DIS3L: variants seen among roughly 807,000 people sequenced by gnomAD.
DIS3L encodes DIS3-like exonuclease 1.
In DIS3L, 100 loss-of-function variants were observed where a neutral mutation model predicts 120.3. The observed-to-expected ratio is 0.83, with a 90% CI of 0.71 to 0.98. DIS3L has a LOEUF of 0.98. Among genes scored for constraint, DIS3L ranks in the 50% least tolerant of loss-of-function variants. DIS3L has a pLI of 0.00. For missense variants in DIS3L, 1,196 were observed against 1,314.2 expected, an observed-to-expected ratio of 0.91 and a Z score of 1.39; for synonymous variants, 426 against 470.6, an observed-to-expected ratio of 0.91 and a Z score of 1.23.
At chr15:66,311,221 T>C (rs1193255878) in intron 4 of DIS3L, among the ~76,000 whole-genome samples, 4 of 151,602 alleles carry the variant, frequency 2.6e-5, no homozygotes, top group Admixed American at 6.6e-5. Context: ...AAATTAGCCA[T>C]GTGTGGTGGC....
intron 7 of DIS3L, among the ~76,000 whole-genome samples, chr15:66,318,165 G>A (rs1464076741): frequency 6.6e-6 from 1 of 152,018 alleles, no homozygotes; most frequent in Admixed American, 6.5e-5. Flanking sequence ...GTAGAGGTGG[G>A]GTTTCACCAT....
chr15:66,315,066 T>A lies in DIS3L; in HGVS notation c.845T>A (p.Met282Lys). The A allele has an allele frequency of 6.2e-7, 1 of 1,614,098 alleles. No individual in the cohort carries two copies. Among genetic ancestry groups the A allele is most frequent in the Non-Finnish European group, 8.5e-7 (1 of 1,179,990 alleles). ...GTCAGTGACATCCTAATCCACGGGATGAAGGCTCGAAACCGCTCAATTCAT... is the reference window on the plus strand; with the variant it reads ...GTCAGTGACATCCTAATCCACGGGAAGAAGGCTCGAAACCGCTCAATTCAT... ...DLVSDILIHG[M>K]KARNRSIHGD... Residue 282 changes from methionine (M) to lysine (K), a missense_variant, in exon 7 of 17, where the codon ATG becomes AAG. By Grantham distance (95) the Met-to-Lys change is moderately conservative (BLOSUM62 -1). Coordinates refer to ENST00000319212, the MANE Select transcript of DIS3L (RefSeq NM_001143688.3).
intron 2 of DIS3L, among the ~76,000 whole-genome samples, chr15:66,304,208 T>A (rs777495718): frequency 4.0e-5 from 6 of 151,746 alleles, no homozygotes; most frequent in Non-Finnish European, 8.8e-5. Flanking sequence ...CCCAACACTT[T>A]GGGAGGCCAA....
chr15:66,322,399 G>C (rs1385715207), intron 9 of DIS3L, among the ~76,000 whole-genome samples: 2 of 152,184 alleles, frequency 1.3e-5, no homozygotes, highest in Admixed American at 1.3e-4. Context: ...TGTAACTAAA[G>C]AGGCTGGTAG....
chr15:66,306,707 G>T, intron 2 of DIS3L, 117 bp from the exon 3 acceptor site: 1 of 1,413,518 alleles, frequency 7.1e-7, no homozygotes, highest in Non-Finnish European at 9.7e-7. Flanking sequence ...TGTTCTTCAG[G>T]TTTAAAGTAA....
In DIS3L at chr15:66,331,970, CG is replaced by C. The variant is rs781377057; in HGVS notation, c.2633del (p.Gly878GlufsTer26). The stretch of plus-strand genomic sequence containing the variant: ...CCACCGAGGAGCGTTGCATATCTGA[CG>C]GAGTTATTTATTCAATTAGAACAAA... The part of the protein sequence containing the change: ...PATEERCISD[G>X]VIYSIRTNGV... On this transcript the variant is annotated frameshift_variant, in exon 15 of 17. Transcript: ENST00000319212. LOFTEE classifies it high-confidence loss of function. 6.8e-6 allele frequency: 11 copies of C among 1,612,816 alleles called. No individual in the cohort carries two copies. In the South Asian group the frequency reaches 1.2e-4, roughly 18 times the overall value.
At chr15:66,306,415 G>A (rs1375278546) in intron 2 of DIS3L, among the ~76,000 whole-genome samples, 1 of 152,160 alleles carries the variant, frequency 6.6e-6, no homozygotes, top group Non-Finnish European at 1.5e-5. Context: ...ATGTATTAAT[G>A]CTTAATGACA....
intron 1 of DIS3L, 111 bp from the exon 2 acceptor site, chr15:66,294,877 C>A: frequency 1.8e-6 from 2 of 1,123,574 alleles, no homozygotes; most frequent in Non-Finnish European, 2.5e-6. Flanking sequence ...TAAAAACTCC[C>A]ACCATGGAGT....
At chr15:66,305,075 A>G (rs1287056274) in intron 2 of DIS3L, among the ~76,000 whole-genome samples, 2 of 126,974 alleles carry the variant, frequency 1.6e-5, no homozygotes, top group African/African-American at 6.2e-5. Flanking sequence ...ATCTCGGCTC[A>G]CTGCAAGCTC....
At chr15:66,321,212 CAT>C (rs1168344822) in intron 9 of DIS3L, among the ~76,000 whole-genome samples, 6 of 152,302 alleles carry the variant, frequency 3.9e-5, no homozygotes, top group African/African-American at 1.2e-4. Flanking sequence ...ATCTCATAAA[CAT>C]AAAACATCAG....
In DIS3L at chr15:66,311,909, G is replaced by T; in HGVS notation, c.735+9G>T. Reference sequence around the variant, plus strand: ...CTGGACGCTATATCCAGGTGAGGGTGGTAATTTAGAATGTGTCAGGGCTGG... The same window carrying T: ...CTGGACGCTATATCCAGGTGAGGGTTGTAATTTAGAATGTGTCAGGGCTGG... On this transcript the variant is annotated intron_variant, in intron 5 of 16. Coordinates refer to ENST00000319212, the MANE Select transcript of DIS3L (RefSeq NM_001143688.3). 6.2e-7 allele frequency: 1 copy of T among 1,613,138 alleles called. No homozygotes were observed. Among genetic ancestry groups the T allele is most frequent in the African/African-American group, 1.3e-5 (1 of 74,968 alleles).
At chr15:66,307,673 A>G (rs1245690419) in intron 3 of DIS3L, among the ~76,000 whole-genome samples, 1 of 152,220 alleles carries the variant, frequency 6.6e-6, no homozygotes, top group African/African-American at 2.4e-5. Flanking sequence ...CAGGAAACAC[A>G]GTGTCCTGAT....
Position 66,294,377 on chromosome 15 carries a change from C to A in DIS3L, c.140-611C>A, listed in dbSNP as rs947352981. On this transcript the variant is annotated intron_variant, in intron 1 of 16. Coordinates refer to ENST00000319212, the MANE Select transcript of DIS3L (RefSeq NM_001143688.3). ...ATGCACGTTACTGGCTCTCTTCCCCCATGGGAGGATGAGAATGGGCTGGGG... is the reference window on the plus strand; with the variant it reads ...ATGCACGTTACTGGCTCTCTTCCCCAATGGGAGGATGAGAATGGGCTGGGG... The A allele has an allele frequency of 1.6e-5, 16 of 985,484 alleles. No individual in the cohort carries two copies. In the African/African-American group the frequency reaches 2.4e-4, roughly 15 times the overall value. The allele number at this position is 985,484 out of a possible 1,614,324, so 61.0% of individuals were successfully genotyped here. A position where few individuals can be genotyped will look rare whatever the true frequency, so the allele number is the denominator to read the frequency against.
In DIS3L at chr15:66,320,589, C is replaced by T. The variant is rs150139050; in HGVS notation, c.1183C>T (p.Arg395Cys). ...TGTGCAGGACTTCAGGGTGGTCGTG[C>T]GCATCGATTCCTGGGAGTCAACATC... is the stretch of plus-strand genomic sequence containing the variant. Reference protein sequence around the residue: ...ETLQDFRVVVRIDSWESTSVY... With the variant: ...ETLQDFRVVVCIDSWESTSVY... Residue 395 changes from arginine to cysteine, a missense_variant, in exon 9 of 17, where the codon CGC becomes TGC. Transcript: ENST00000319212. 1.9e-4 allele frequency: 301 copies of T among 1,613,140 alleles called. 2 individuals carry two copies. In the Admixed American group the frequency reaches 2.7e-3, roughly 14 times the overall value.
intron 2 of DIS3L, among the ~76,000 whole-genome samples, chr15:66,305,433 A>C (rs371783305): frequency 7.9e-5 from 12 of 152,242 alleles, no homozygotes; most frequent in African/African-American, 2.9e-4. Context: ...TTTAAAACCT[A>C]TGGTGGCAGG....
In DIS3L at chr15:66,306,885, A is replaced by G. The variant is rs374443364; in HGVS notation, c.355A>G (p.Asn119Asp). Residue 119 changes from asparagine to aspartate, a missense_variant, in exon 3 of 17, where the codon AAT becomes GAT. Asn to Asp is a conservative substitution (Grantham distance 23). Coordinates refer to ENST00000319212, the MANE Select transcript of DIS3L (RefSeq NM_001143688.3). Reference protein sequence around the residue: ...DARHDCILFANEFQQCCYLPR... With the variant: ...DARHDCILFADEFQQCCYLPR... ...GCGTCATGATTGCATTCTCTTTGCTAATGAATTCCAGCAATGCTGCTATCT... is the reference window on the plus strand; with the variant it reads ...GCGTCATGATTGCATTCTCTTTGCTGATGAATTCCAGCAATGCTGCTATCT... The G allele has an allele frequency of 1.2e-5, 19 of 1,614,066 alleles. No individual in the cohort carries two copies. Among genetic ancestry groups the G allele is most frequent in the Admixed American group, 1.7e-5 (1 of 59,998 alleles).
At chr15:66,327,302 G>A (rs1365142275) in intron 12 of DIS3L, among the ~76,000 whole-genome samples, 4 of 152,100 alleles carry the variant, frequency 2.6e-5, no homozygotes, top group African/African-American at 9.7e-5. Context: ...TACCCCTTAA[G>A]TTACAAAGAA....
chr15:66,325,087 C>A (rs527589782), intron 11 of DIS3L, among the ~76,000 whole-genome samples: 109 of 152,208 alleles, frequency 7.2e-4, no homozygotes, highest in Non-Finnish European at 1.4e-3. Context: ...CAGTGTCATG[C>A]TTTTCTAATC....
In DIS3L at chr15:66,326,222, C is replaced by T; in HGVS notation, c.2059C>T (p.Leu687=). 6.2e-7 allele frequency: 1 copy of T among 1,614,236 alleles called. No homozygotes were observed. Among genetic ancestry groups the T allele is most frequent in the Middle Eastern group, 1.6e-4 (1 of 6,062 alleles). Residue 687 remains leucine, a synonymous_variant, in exon 12 of 17, where the codon CTG becomes TTG. Coordinates refer to ENST00000319212, the MANE Select transcript of DIS3L (RefSeq NM_001143688.3). ...VHETVAECMI[L]ANHWVAKKIW... ...CGAGACAGTGGCTGAATGCATGATCCTGGCCAACCACTGGGTCGCCAAAAA... is the reference window on the plus strand; with the variant it reads ...CGAGACAGTGGCTGAATGCATGATCTTGGCCAACCACTGGGTCGCCAAAAA...
Sources: allele counts gnomAD v4.1 joint callset (sites outside exome capture counted in the v4.1 genomes callset), GRCh38; gene constraint gnomAD v4.1.1; transcripts MANE v1.5; gene names NCBI Gene and HGNC (gene_info 2026-07-23, HGNC 2026-07-21).